The following SLAIN2 variants were observed in gnomAD, a reference collection of about 807,000 sequenced individuals.
The protein encoded by SLAIN2 is SLAIN family member 2.
A neutral mutation model predicts 56.6 loss-of-function variants in SLAIN2; 31 were observed. The observed-to-expected ratio is 0.55, with a 90% confidence interval of 0.41 to 0.74. SLAIN2 has a LOEUF of 0.74. Among genes scored for constraint, SLAIN2 ranks in the 30% least tolerant of loss-of-function variants. SLAIN2 has a pLI of 0.00. For synonymous variants in SLAIN2, 317 were observed against 284.9 expected (o/e 1.11, Z -1.13); for missense variants, 777 against 754.2 (o/e 1.03, Z -0.35).
At position 48,422,975 on chromosome 4, in the gene SLAIN2, G is replaced by C. The variant is rs1717200538; in HGVS notation, c.*898G>C. ...AGGTTTTCATGATAGGAAAGAACAA[G>C]TAGTGTGTGTCTTTATTCTTGATAC... On this transcript the variant is annotated 3_prime_UTR_variant, in exon 8 of 8. Coordinates refer to ENST00000264313, the MANE Select transcript of SLAIN2 (RefSeq NM_020846.2). 6.6e-6 allele frequency: 1 copy of C among 152,178 alleles called. No individual in the cohort carries two copies. Among genetic ancestry groups the C allele is most frequent in the Non-Finnish European group, 1.5e-5 (1 of 68,038 alleles). 9.4% of individuals were successfully genotyped at this position (152,178 alleles called of 1,614,324 possible). A position where few individuals can be genotyped will look rare whatever the true frequency, so the allele number is the denominator to read the frequency against.
chr4:48,376,825 G>A (rs553181229), intron 2 of SLAIN2, among the ~76,000 whole-genome samples: 74 of 149,800 alleles, frequency 4.9e-4, no homozygotes, highest in Non-Finnish European at 8.4e-4. Context: ...GGGTTTCACC[G>A]TGGTCTCGAG....
chr4:48,348,412 G>A (rs575199663), intron 1 of SLAIN2, among the ~76,000 whole-genome samples: 1 of 152,278 alleles, frequency 6.6e-6, no homozygotes, highest in East Asian at 1.9e-4. Flanking sequence ...GACAGGCTGG[G>A]CATGGTGGCT....
intron 1 of SLAIN2, among the ~76,000 whole-genome samples, chr4:48,352,783 C>T (rs1166964581): frequency 6.6e-6 from 1 of 152,116 alleles, no homozygotes; most frequent in African/African-American, 2.4e-5. Flanking sequence ...TTTTCTAAGT[C>T]AAAAATAGTG....
At chr4:48,419,618 G>A (rs1717094304) in intron 6 of SLAIN2, among the ~76,000 whole-genome samples, 1 of 152,160 alleles carries the variant, frequency 6.6e-6, no homozygotes, top group Admixed American at 6.5e-5. Flanking sequence ...AGCAATGGAA[G>A]CACTTTTTAA....
intron 6 of SLAIN2, among the ~76,000 whole-genome samples, chr4:48,390,967 T>C (rs1255600199): frequency 6.6e-6 from 1 of 152,222 alleles, no homozygotes; most frequent in Non-Finnish European, 1.5e-5. Flanking sequence ...TTCTTAAAAT[T>C]CCATCCTCCA....
intron 6 of SLAIN2, among the ~76,000 whole-genome samples, chr4:48,391,765 T>C (rs1263581200): frequency 6.6e-6 from 1 of 152,188 alleles, no homozygotes; most frequent in African/African-American, 2.4e-5. Flanking sequence ...AAGGAAGCGA[T>C]AGATTTAAGA....
chr4:48,403,161 C>T (rs900645347), intron 6 of SLAIN2, among the ~76,000 whole-genome samples: 2 of 152,192 alleles, frequency 1.3e-5, no homozygotes, highest in African/African-American at 4.8e-5. Flanking sequence ...TCTGGAGACC[C>T]CTGTTGGGAG....
chr4:48,410,401 A>G (rs1390211157), intron 6 of SLAIN2, among the ~76,000 whole-genome samples: 1 of 150,970 alleles, frequency 6.6e-6, no homozygotes, highest in Non-Finnish European at 1.5e-5. Context: ...CACTTTCTTT[A>G]TGGTATCCTT....
At position 48,369,989 on chromosome 4, in the gene SLAIN2, CTATGTCAGG is replaced by C; in HGVS notation, c.537_538+7del. 6.2e-7 allele frequency: 1 copy of C among 1,613,194 alleles called. No homozygotes were observed. Among genetic ancestry groups the C allele is most frequent in the Non-Finnish European group, 8.5e-7 (1 of 1,179,478 alleles). ...TCTCTTATCCACAAACTTGATCAAA[CTATGTCAGG>C]TATGTCTATAATTTTGCTTGTAAAT... On this transcript the variant is annotated splice_donor_variant and coding_sequence_variant, in exon 2 of 8. Coordinates refer to ENST00000264313, the MANE Select transcript of SLAIN2 (RefSeq NM_020846.2). LOFTEE classifies it high-confidence loss of function.
intron 1 of SLAIN2, among the ~76,000 whole-genome samples, chr4:48,360,360 A>G (rs1408231724): frequency 3.3e-5 from 5 of 151,646 alleles, no homozygotes; most frequent in Admixed American, 3.3e-4. Context: ...GGGAGGCTGA[A>G]GTGGGTGGAT....
At chr4:48,418,171 T>C (rs1269756366) in intron 6 of SLAIN2, among the ~76,000 whole-genome samples, 2 of 151,906 alleles carry the variant, frequency 1.3e-5, no homozygotes, top group Non-Finnish European at 1.5e-5. Context: ...TCTTCTTCTT[T>C]TTTTTTTTTC....
chr4:48,351,145 G>A (rs1455940869), intron 1 of SLAIN2, among the ~76,000 whole-genome samples: 9 of 152,294 alleles, frequency 5.9e-5, no homozygotes, highest in African/African-American at 2.2e-4. Flanking sequence ...TGGCTCTTGA[G>A]GCTTATTTTG....
chr4:48,346,945 A>G (rs904105224), intron 1 of SLAIN2, among the ~76,000 whole-genome samples: 3 of 150,886 alleles, frequency 2.0e-5, no homozygotes, highest in Admixed American at 2.0e-4. Flanking sequence ...AAGTGCTAGA[A>G]TTACAGGCAT....
intron 6 of SLAIN2, among the ~76,000 whole-genome samples, chr4:48,386,902 TAAG>T (rs1403741953): frequency 2.0e-5 from 3 of 152,150 alleles, no homozygotes; most frequent in African/African-American, 7.2e-5. Context: ...AGTAAATCAT[TAAG>T]AAGGTTAAAT....
At chr4:48,405,433 C>T (rs570908639) in intron 6 of SLAIN2, among the ~76,000 whole-genome samples, 1 of 151,886 alleles carries the variant, frequency 6.6e-6, no homozygotes, top group African/African-American at 2.4e-5. Flanking sequence ...CTCTCTCTCT[C>T]ATTGTTTGTT....
At chr4:48,378,162 G>C in intron 3 of SLAIN2, 102 bp downstream of exon 3, 1 of 1,340,966 alleles carries the variant, frequency 7.5e-7, no homozygotes, top group East Asian at 2.3e-5. Context: ...TTTTATTTAT[G>C]AAACTTTTAA....
intron 6 of SLAIN2, among the ~76,000 whole-genome samples, chr4:48,415,334 T>C (rs1326977731): frequency 1.6e-4 from 10 of 63,244 alleles, no homozygotes; most frequent in African/African-American, 4.2e-4. Context: ...TCTTCATGTG[T>C]TTTTTGGCTG....
intron 1 of SLAIN2, among the ~76,000 whole-genome samples, chr4:48,346,405 A>C: frequency 6.6e-6 from 1 of 152,116 alleles, no homozygotes; most frequent in East Asian, 1.9e-4. Context: ...AATTTATCTT[A>C]GGTTTATGAA....
intron 6 of SLAIN2, chr4:48,394,795 T>C: frequency 1.5e-6 from 1 of 665,574 alleles, no homozygotes; most frequent in Non-Finnish European, 2.4e-6. Context: ...GAGGATTTAT[T>C]CTGTTATTTG....
Sources: allele counts gnomAD v4.1 joint callset (sites outside exome capture counted in the v4.1 genomes callset), GRCh38; gene constraint gnomAD v4.1.1; transcripts MANE v1.5; gene names NCBI Gene and HGNC (gene_info 2026-07-23, HGNC 2026-07-21).